The following LRRN3 variants were observed in gnomAD, a reference collection of about 807,000 sequenced individuals.
LRRN3 encodes leucine rich repeat neuronal 3, also known as leucine-rich repeat neuronal protein 3.
Under a neutral mutation model 40.1 loss-of-function variants are expected in LRRN3, and 15 were observed. The ratio of observed to expected loss-of-function variants is 0.37; its 90% CI spans 0.25 to 0.58. The LOEUF (loss-of-function observed/expected upper bound fraction) is 0.58, where lower values mean the gene tolerates loss of function less well. Ranked by LOEUF, LRRN3 falls within the 20% of genes least tolerant of loss-of-function variation. The pLI is 0.72. For missense variants in LRRN3, 746 were observed against 837.7 expected, an observed-to-expected ratio of 0.89 and a Z score of 1.35; for synonymous variants, 308 against 297.2, an observed-to-expected ratio of 1.04 and a Z score of -0.37.
At position 111,123,314 on chromosome 7, in the gene LRRN3, G is replaced by T; in HGVS notation, c.542G>T (p.Ser181Ile). 6.8e-6 allele frequency: 11 copies of T among 1,613,814 alleles called. No individual in the cohort carries two copies. Among genetic ancestry groups the T allele is most frequent in the Non-Finnish European group, 9.3e-6 (11 of 1,179,912 alleles). The part of the protein sequence containing the change: ...LNSNRLQMIN[S>I]KWFDALPNLE... ...TCAAATAGATTGCAGATGATCAACA[G>T]TAAGTGGTTTGATGCTCTTCCAAAT... The change falls in exon 3 of 3, where the codon AGT becomes ATT. Residue 181 changes from serine (S) to isoleucine (I), a missense_variant. Transcript: ENST00000308478. The surrounding 1 kb of genome is among the most constrained non-coding windows in gnomAD (Gnocchi z 6.4).
intron 2 of LRRN3, among the ~76,000 whole-genome samples, chr7:111,109,486 A>G (rs908872418): frequency 6.6e-6 from 1 of 152,188 alleles, no homozygotes; most frequent in Non-Finnish European, 1.5e-5. Context: ...ATTAACAACT[A>G]GTAAGGGGGC....
intron 2 of LRRN3, among the ~76,000 whole-genome samples, chr7:111,122,074 T>G (rs1800705445): frequency 8.7e-6 from 1 of 114,520 alleles, no homozygotes; most frequent in Non-Finnish European, 1.8e-5. Context: ...CACCGGGGCC[T>G]GTTGTGGGGT....
At chr7:111,120,480 GTCCC>G (rs1800461603) in intron 2 of LRRN3, among the ~76,000 whole-genome samples, 1 of 152,010 alleles carries the variant, frequency 6.6e-6, no homozygotes, top group African/African-American at 2.4e-5. Context: ...CTCCCACCAG[GTCCC>G]TCCCACAACA....
intron 2 of LRRN3, among the ~76,000 whole-genome samples, chr7:111,112,967 T>G (rs1277331627): frequency 1.3e-5 from 2 of 152,212 alleles, no homozygotes; most frequent in African/African-American, 4.8e-5. Flanking sequence ...ATGTTTTATC[T>G]TCTCAATTCT....
chr7:111,124,536 G>A lies in LRRN3; in HGVS notation c.1764G>A (p.Glu588=), dbSNP rs1274642308. ...YNLTHLNPST[E]YKICIDIPTI... ...TTACTCATCTGAATCCATCAACTGAGTATAAAATTTGTATTGATATTCCCA... is the reference window on the plus strand; with the variant it reads ...TTACTCATCTGAATCCATCAACTGAATATAAAATTTGTATTGATATTCCCA... The change falls in exon 3 of 3, where the codon GAG becomes GAA. Residue 588 remains glutamate (E), a synonymous_variant. Coordinates refer to ENST00000308478, the MANE Select transcript of LRRN3 (RefSeq NM_001099658.2). 6.2e-7 allele frequency: 1 copy of A among 1,613,644 alleles called. No homozygotes were observed. The highest frequency in any genetic ancestry group is 8.5e-7 in the Non-Finnish European group (1 of 1,179,820).
chr7:111,123,606 T>G lies in LRRN3; in HGVS notation c.834T>G (p.Gly278=). The G allele has an allele frequency of 6.2e-7, 1 of 1,613,286 alleles. No individual in the cohort carries two copies. Among genetic ancestry groups the G allele is most frequent in the South Asian group, 1.1e-5 (1 of 91,042 alleles). The change falls in exon 3 of 3, where the codon GGT becomes GGG. Residue 278 remains glycine (G), a synonymous_variant. Coordinates refer to ENST00000308478, the MANE Select transcript of LRRN3 (RefSeq NM_001099658.2). This position sits in a 1 kb window ranked among gnomAD's most constrained non-coding sequence, Gnocchi z 6.4. ...ATCCTATTAATAGAATACGAAGGGG[T>G]GATTTTAGCAATATGCTACACTTAA... ...NKNPINRIRR[G]DFSNMLHLKE...
chr7:111,124,941 A>G lies in LRRN3; in HGVS notation c.*42A>G. ...CTACTCCAAAAATGAACAAAAAAAA[A>G]AAAAGCGAAAGACTGCAGTTGTGCT... On this transcript the variant is annotated 3_prime_UTR_variant, in exon 3 of 3. Transcript: ENST00000308478. 7.1e-7 allele frequency: 1 copy of G among 1,413,872 alleles called. No homozygotes were observed. Among genetic ancestry groups the G allele is most frequent in the Non-Finnish European group, 9.5e-7 (1 of 1,047,768 alleles). The allele number at this position is 1,413,872 out of a possible 1,614,324, so 87.6% of individuals were successfully genotyped here. A position where few individuals can be genotyped will look rare whatever the true frequency, so the allele number is the denominator to read the frequency against.
At chr7:111,093,882 T>G (rs1797126232) in intron 1 of LRRN3, among the ~76,000 whole-genome samples, 1 of 152,012 alleles carries the variant, frequency 6.6e-6, no homozygotes, top group South Asian at 2.1e-4. Flanking sequence ...TTTTTCAGGG[T>G]GTCGCTTGTC....
chr7:111,104,101 T>A (rs1026308934), intron 2 of LRRN3, among the ~76,000 whole-genome samples: 4 of 151,868 alleles, frequency 2.6e-5, no homozygotes, highest in African/African-American at 9.6e-5. Flanking sequence ...ATCTCTGAGT[T>A]TGGGCCTATA....
chr7:111,109,538 C>A (rs1798945822), intron 2 of LRRN3, among the ~76,000 whole-genome samples: 1 of 152,094 alleles, frequency 6.6e-6, no homozygotes, highest in Admixed American at 6.6e-5. Context: ...CTTTATTACA[C>A]AGAGCTCACA....
intron 2 of LRRN3, among the ~76,000 whole-genome samples, chr7:111,119,795 C>T (rs561780250): frequency 6.6e-6 from 1 of 151,850 alleles, no homozygotes; most frequent in South Asian, 2.1e-4. Flanking sequence ...AGGCCTCACG[C>T]TCTCAAGGAG....
rs565342032 is a variant in LRRN3 at position 111,093,916 on chromosome 7, T to A, written c.-441+2412T>A. Among the ~76,000 whole-genome samples, 14 of 152,244 alleles carry A rather than the reference T, an allele frequency of 9.2e-5. No homozygotes were observed. In the South Asian group the frequency reaches 2.9e-3, roughly 32 times the overall value. On this transcript the variant is annotated intron_variant, in intron 1 of 2. Coordinates refer to ENST00000308478, the MANE Select transcript of LRRN3 (RefSeq NM_001099658.2). ...TCACAGGCAACATGCTGAGTTAGAA[T>A]GCTGATGAGTAGGTGGAATTTTTTA...
chr7:111,107,503 A>G (rs1028300339), intron 2 of LRRN3, among the ~76,000 whole-genome samples: 2 of 152,060 alleles, frequency 1.3e-5, no homozygotes, highest in Non-Finnish European at 2.9e-5. Flanking sequence ...TAAAAACTCA[A>G]TATAAGCATG....
chr7:111,109,774 C>G (rs776503450), intron 2 of LRRN3, among the ~76,000 whole-genome samples: 2 of 152,072 alleles, frequency 1.3e-5, no homozygotes, highest in Admixed American at 1.3e-4. Context: ...TGACTACTAT[C>G]GCTGTTTTCA....
At chr7:111,119,229 A>G (rs1800279528) in intron 2 of LRRN3, among the ~76,000 whole-genome samples, 1 of 152,190 alleles carries the variant, frequency 6.6e-6, no homozygotes, top group South Asian at 2.1e-4. Context: ...CTTTGTACCT[A>G]GGTTTTTCCT....
At chr7:111,112,777 A>AT (rs1211621436) in intron 2 of LRRN3, among the ~76,000 whole-genome samples, 1 of 152,128 alleles carries the variant, frequency 6.6e-6, no homozygotes. Context: ...CCACATCGCT[A>AT]TTATCGTCTT....
rs34662250 is a variant in LRRN3, at chr7:111,122,874, G to A, written c.102G>A (p.Thr34=). Residue 34 remains threonine, a synonymous_variant, in exon 3 of 3, where the codon ACG becomes ACA. Coordinates refer to ENST00000308478, the MANE Select transcript of LRRN3 (RefSeq NM_001099658.2). ...DKKVDCPRLC[T]CEIRPWFTPR... ...AAGTGGATTGTCCACGGTTATGTAC[G>A]TGTGAAATCAGGCCTTGGTTTACAC... is the stretch of plus-strand genomic sequence containing the variant. 1,241 of 1,613,902 alleles carry A rather than the reference G, an allele frequency of 7.7e-4. 10 individuals carry two copies. In the African/African-American group the frequency reaches 0.015, roughly 19 times the overall value.
intron 1 of LRRN3, among the ~76,000 whole-genome samples, chr7:111,095,180 T>G (rs1030998480): frequency 3.9e-5 from 6 of 151,986 alleles, no homozygotes; most frequent in African/African-American, 1.4e-4. Flanking sequence ...GAATAAAATT[T>G]TTGAACTGAA....
chr7:111,094,342 T>C (rs1284908420), intron 1 of LRRN3, among the ~76,000 whole-genome samples: 4 of 152,098 alleles, frequency 2.6e-5, no homozygotes, highest in South Asian at 2.1e-4. Flanking sequence ...AAGGAGATCA[T>C]TAAAAGAAAG....
Sources: gnomAD v4.1 joint callset for allele counts (sites outside exome capture counted in the v4.1 genomes callset) on GRCh38, gnomAD v4.1.1 for gene constraint, Gnocchi (gnomAD v3.1) non-coding constraint, MANE v1.5 for transcripts, NCBI Gene and HGNC (gene_info 2026-07-23, HGNC 2026-07-21) for gene names.